Variants in TUBGCP3 observed in about 807,000 individuals in gnomAD.
The protein encoded by TUBGCP3 is tubulin gamma complex component 3.
In TUBGCP3, 50 loss-of-function variants were observed where a neutral mutation model predicts 123.1. That is an observed-to-expected ratio of 0.41 (90% CI 0.32 to 0.51). TUBGCP3 has a LOEUF of 0.51. Among genes scored for constraint, TUBGCP3 ranks in the 20% least tolerant of loss-of-function variants. The pLI is 0.36. For synonymous variants in TUBGCP3, 405 were observed against 413.9 expected (o/e 0.98, Z 0.26); for missense variants, 882 against 1,127.0 (o/e 0.78, Z 3.11).
chr13:112,567,533 T>C (rs750843567), intron 2 of TUBGCP3, among the ~76,000 whole-genome samples: 2 of 152,238 alleles, frequency 1.3e-5, no homozygotes, highest in Non-Finnish European at 2.9e-5. Context: ...TGTTGTTATA[T>C]AGACATTGAG....
At chr13:112,579,885 G>T (rs1882161904) in intron 1 of TUBGCP3, among the ~76,000 whole-genome samples, 1 of 152,230 alleles carries the variant, frequency 6.6e-6, no homozygotes, top group Non-Finnish European at 1.5e-5. Context: ...ACCTGTCCAT[G>T]AATGTTCATA....
rs1882757814 is a variant in TUBGCP3, at chr13:112,588,052, CGCGCCCTTCCT to C, written c.-83_-73del. 7.9e-7 allele frequency: 1 copy of C among 1,263,170 alleles called. No homozygotes were observed. Among genetic ancestry groups the C allele is most frequent in the Non-Finnish European group, 1.0e-6 (1 of 969,568 alleles). 78.2% of individuals were successfully genotyped at this position (1,263,170 alleles called of 1,614,324 possible). On this transcript the variant is annotated 5_prime_UTR_variant, in exon 1 of 22. Coordinates refer to ENST00000261965, the MANE Select transcript of TUBGCP3 (RefSeq NM_006322.6). Reference sequence around the variant, plus strand: ...CGCCGCACGCGCAGGGACCGCGGCCCGCGCCCTTCCTGCGCCCCGCAAGCTCCCTGCTCCTG... The same window carrying C: ...CGCCGCACGCGCAGGGACCGCGGCCCGCGCCCCGCAAGCTCCCTGCTCCTG...
At chr13:112,578,700 CTTTG>C (rs776065130) in intron 1 of TUBGCP3, among the ~76,000 whole-genome samples, 3 of 150,934 alleles carry the variant, frequency 2.0e-5, no homozygotes, top group Non-Finnish European at 4.4e-5. Context: ...CCACCTGTTT[CTTTG>C]TTTGATCACC....
At chr13:112,588,573 C>G (rs1882794900), upstream of TUBGCP3, among the ~76,000 whole-genome samples, 1 of 152,218 alleles carries the variant, frequency 6.6e-6, no homozygotes, top group Admixed American at 6.5e-5. Flanking sequence ...GCGCCCTGCT[C>G]AGGCCCGACC....
intron 20 of TUBGCP3, among the ~76,000 whole-genome samples, chr13:112,490,291 G>A (rs1356126388): frequency 6.6e-6 from 1 of 152,052 alleles, no homozygotes; most frequent in African/African-American, 2.4e-5. Context: ...ATGGAGTTTC[G>A]CTCTCCCATG....
chr13:112,522,398 A>G lies in TUBGCP3; in HGVS notation c.1667T>C (p.Leu556Pro). The G allele has an allele frequency of 6.2e-7, 1 of 1,614,172 alleles. No individual in the cohort carries two copies. The highest frequency in any genetic ancestry group is 8.5e-7 in the Non-Finnish European group (1 of 1,179,980). ...LDVLNKKYSLLDHMQAMRRYL... is the reference protein window; with the variant it reads ...LDVLNKKYSLPDHMQAMRRYL... The stretch of plus-strand genomic sequence containing the variant: ...CCGCCTCATTGCCTGCATGTGGTCC[A>G]GCAAGCTGTACTTTTTATTGAGAAC... The change falls in exon 14 of 22, where the codon CTG becomes CCG. Residue 556 changes from leucine to proline, a missense_variant. Coordinates refer to ENST00000261965, the MANE Select transcript of TUBGCP3 (RefSeq NM_006322.6).
intron 20 of TUBGCP3, among the ~76,000 whole-genome samples, chr13:112,498,128 A>G (rs1880648853): frequency 6.6e-6 from 1 of 152,190 alleles, no homozygotes; most frequent in Non-Finnish European, 1.5e-5. Flanking sequence ...CATATTATAT[A>G]TACATATATA....
intron 1 of TUBGCP3, among the ~76,000 whole-genome samples, chr13:112,581,146 G>T (rs1411783478): frequency 6.6e-6 from 1 of 151,998 alleles, no homozygotes; most frequent in African/African-American, 2.4e-5. Context: ...CTCACCTCCA[G>T]CTCGGCACCC....
chr13:112,575,926 C>G (rs1881773556), intron 1 of TUBGCP3, among the ~76,000 whole-genome samples: 1 of 152,170 alleles, frequency 6.6e-6, no homozygotes, highest in Admixed American at 6.5e-5. Flanking sequence ...CAGGGGTAGC[C>G]CAGCCCTGCA....
chr13:112,567,741 C>A (rs928309913), intron 2 of TUBGCP3, among the ~76,000 whole-genome samples: 10 of 152,318 alleles, frequency 6.6e-5, no homozygotes, highest in African/African-American at 2.4e-4. Flanking sequence ...GTCACACCCT[C>A]AACTCTACCC....
Position 112,511,820 on chromosome 13 carries a change from T to A in TUBGCP3, c.2086+4620A>T, listed in dbSNP as rs1186952232. Among the ~76,000 whole-genome samples, 1 of 152,166 alleles carries A rather than the reference T, an allele frequency of 6.6e-6. No homozygotes were observed. Among genetic ancestry groups the A allele is most frequent in the African/African-American group, 2.4e-5 (1 of 41,434 alleles). ...ATACACTAGGGAGGTTTGACTGTGGTATCTCCGAAGTGCCTTCTACTTGAA... is the reference window on the plus strand; with the variant it reads ...ATACACTAGGGAGGTTTGACTGTGGAATCTCCGAAGTGCCTTCTACTTGAA... On this transcript the variant is annotated intron_variant, in intron 17 of 21. Transcript: ENST00000261965. The surrounding 1 kb of genome is among the most constrained non-coding windows in gnomAD (Gnocchi z 4.1).
chr13:112,546,579 A>G (rs1879009725), intron 10 of TUBGCP3: 1 of 152,358 alleles, frequency 6.6e-6, no homozygotes, highest in Non-Finnish European at 1.5e-5. Flanking sequence ...GTGTGTGTAC[A>G]CAAAGTGGGG....
At chr13:112,558,851 T>C (rs183112220) in intron 4 of TUBGCP3, among the ~76,000 whole-genome samples, 65 of 152,284 alleles carry the variant, frequency 4.3e-4, no homozygotes. Context: ...CTCTGGTGAG[T>C]ACTTTATTAT....
At chr13:112,552,000 A>C (rs556289930) in intron 8 of TUBGCP3, among the ~76,000 whole-genome samples, 3 of 152,182 alleles carry the variant, frequency 2.0e-5, no homozygotes, top group Non-Finnish European at 4.4e-5. Flanking sequence ...AACAGGGATC[A>C]CACTCCTATG....
At chr13:112,588,252 T>G, upstream of TUBGCP3, 1 of 301,452 alleles carries the variant, frequency 3.3e-6, no homozygotes, top group Non-Finnish European at 6.1e-6. Flanking sequence ...CCCCTGCTGC[T>G]GCCCGGTCGG....
intron 8 of TUBGCP3, among the ~76,000 whole-genome samples, chr13:112,549,072 C>T (rs1471199005): frequency 6.6e-6 from 1 of 152,160 alleles, no homozygotes; most frequent in Non-Finnish European, 1.5e-5. Context: ...ATAGCAAAGA[C>T]TTGGAACCAA....
At chr13:112,547,594 G>A (rs778003309) in intron 10 of TUBGCP3, 26 bp downstream of exon 10, 7 of 1,466,060 alleles carry the variant, frequency 4.8e-6, no homozygotes, top group South Asian at 2.8e-5. Context: ...TGGGAAAGAC[G>A]TGCGTGGGAA....
At chr13:112,540,710 G>A (rs1392282630) in intron 11 of TUBGCP3, among the ~76,000 whole-genome samples, 2 of 151,652 alleles carry the variant, frequency 1.3e-5, no homozygotes, top group Admixed American at 6.6e-5. Flanking sequence ...TGACATCAAT[G>A]TAGTAGCCTG....
chr13:112,510,307 T>C (rs1271767957), intron 17 of TUBGCP3, among the ~76,000 whole-genome samples: 1 of 152,184 alleles, frequency 6.6e-6, no homozygotes, highest in Non-Finnish European at 1.5e-5. Flanking sequence ...TAGCATCGAG[T>C]ACTGCTAAAC....
Sources: allele counts gnomAD v4.1 joint callset (sites outside exome capture counted in the v4.1 genomes callset), GRCh38; gene constraint gnomAD v4.1.1; non-coding constraint Gnocchi (gnomAD v3.1); transcripts MANE v1.5; gene names NCBI Gene and HGNC (gene_info 2026-07-23, HGNC 2026-07-21).